PTPRN2: variants seen among roughly 807,000 people sequenced by gnomAD.
PTPRN2 encodes receptor-type tyrosine-protein phosphatase N2.
A neutral mutation model predicts 118.8 loss-of-function variants in PTPRN2; 74 were observed. That is an observed-to-expected ratio of 0.62 (90% CI 0.52 to 0.76). PTPRN2 has a LOEUF of 0.76. Among genes scored for constraint, PTPRN2 ranks in the 30% least tolerant of loss-of-function variants. The pLI is 0.00. For missense variants in PTPRN2, 1,481 were observed against 1,394.4 expected (o/e 1.06, Z -0.99); for synonymous variants, 641 against 608.0 (o/e 1.05, Z -0.80).
intron 2 of PTPRN2, among the ~76,000 whole-genome samples, chr7:158,361,564 A>G (rs1403362330): frequency 6.6e-6 from 1 of 152,154 alleles, no homozygotes; most frequent in East Asian, 1.9e-4. Context: ...TCCAATATTC[A>G]GACCTGAGAC....
chr7:158,377,665 G>A (rs1190425855), intron 2 of PTPRN2, among the ~76,000 whole-genome samples: 4 of 152,198 alleles, frequency 2.6e-5, no homozygotes, highest in African/African-American at 9.7e-5. Context: ...GGAGTTCACA[G>A]GAAACCGGCA....
In PTPRN2 at chr7:158,254,192, C is replaced by A. The variant is rs138985658; in HGVS notation, c.278-48919G>T. Among the ~76,000 whole-genome samples, 389 of 42,580 alleles carry A rather than the reference C, an allele frequency of 9.1e-3. 127 individuals are homozygous for A. The highest frequency in any genetic ancestry group is 0.037 in the Middle Eastern group (4 of 108). The allele number at this position is 42,580 out of a possible 152,430, so 27.9% of individuals were successfully genotyped here. A position where few individuals can be genotyped will look rare whatever the true frequency, so the allele number is the denominator to read the frequency against. ...CTGGACAGTGGCACAGAGCCACTGC[C>A]GCCCACAGCACAACCCGCCCCCCAT... On this transcript the variant is annotated intron_variant, in intron 3 of 22. Coordinates refer to ENST00000389418, the MANE Select transcript of PTPRN2 (RefSeq NM_002847.5).
chr7:157,615,954 G>C lies in PTPRN2; in HGVS notation c.2344+5408C>G. ...GGCAGGATGAACGTAACTTCTGGTG[G>C]ATAAAGTGGGAGGCCTGATCCAGGA... On this transcript the variant is annotated intron_variant, in intron 15 of 22. Coordinates refer to ENST00000389418, the MANE Select transcript of PTPRN2 (RefSeq NM_002847.5). This position sits in a 1 kb window ranked among gnomAD's most constrained non-coding sequence, Gnocchi z 4.3. 1 of 257,940 alleles carries C rather than the reference G, an allele frequency of 3.9e-6. No homozygotes were observed. Among genetic ancestry groups the C allele is most frequent in the South Asian group, 4.4e-5 (1 of 22,512 alleles). The allele number at this position is 257,940 out of a possible 1,614,324, so 16.0% of individuals were successfully genotyped here.
At chr7:157,745,940 C>A (rs1371511224) in intron 12 of PTPRN2, among the ~76,000 whole-genome samples, 1 of 152,048 alleles carries the variant, frequency 6.6e-6, no homozygotes, top group African/African-American at 2.4e-5. Flanking sequence ...CATACAGGGC[C>A]TTGAGTGTGG....
intron 2 of PTPRN2, among the ~76,000 whole-genome samples, chr7:158,440,817 A>C (rs200474661): frequency 6.9e-5 from 2 of 28,878 alleles, no homozygotes; most frequent in African/African-American, 2.2e-4. Flanking sequence ...TGGTGGTAGT[A>C]GTAGTGGTGG....
intron 12 of PTPRN2, among the ~76,000 whole-genome samples, chr7:157,758,130 T>A (rs988248060): frequency 6.6e-6 from 1 of 152,142 alleles, no homozygotes; most frequent in African/African-American, 2.4e-5. Context: ...CGGGATGGGA[T>A]GTGCTCCCCG....
intron 12 of PTPRN2, among the ~76,000 whole-genome samples, chr7:157,789,579 C>T (rs996562943): frequency 6.6e-6 from 1 of 152,228 alleles, no homozygotes; most frequent in Non-Finnish European, 1.5e-5. Context: ...CACCAGGTGG[C>T]TCCGTGGTCC....
At chr7:157,943,429 T>C (rs959831255) in intron 11 of PTPRN2, among the ~76,000 whole-genome samples, 7 of 152,060 alleles carry the variant, frequency 4.6e-5, no homozygotes, top group African/African-American at 1.2e-4. Flanking sequence ...TTCCTGCCCT[T>C]GAAATCCAAC....
At chr7:157,697,734 G>T (rs1470394622) in intron 12 of PTPRN2, among the ~76,000 whole-genome samples, 1 of 122,342 alleles carries the variant, frequency 8.2e-6, no homozygotes, top group Admixed American at 8.3e-5. Flanking sequence ...ACTGGATCTT[G>T]GCAGAGCCCT....
intron 1 of PTPRN2, among the ~76,000 whole-genome samples, chr7:158,575,864 T>C (rs1828292829): frequency 1.3e-5 from 2 of 152,340 alleles, no homozygotes; most frequent in South Asian, 2.1e-4. Context: ...TCAGTATTAC[T>C]AGAAATTATA....
chr7:158,545,869 C>T (rs1259263302), intron 1 of PTPRN2, among the ~76,000 whole-genome samples: 1 of 152,060 alleles, frequency 6.6e-6, no homozygotes. Flanking sequence ...TGCGGTGGCA[C>T]GCGCCTGTAG....
chr7:157,794,373 C>T lies in PTPRN2; in HGVS notation c.1788+104300G>A, dbSNP rs559968678. Among the ~76,000 whole-genome samples, 10 of 152,342 alleles carry T rather than the reference C, an allele frequency of 6.6e-5. No homozygotes were observed. The highest frequency in any genetic ancestry group is 2.1e-4 in the South Asian group (1 of 4,828). ...CTGCACTTCCGGTTCTGCGTCTGGC[C>T]GGCCTACGGGCACTCGGGCAGTGCG... is the stretch of plus-strand genomic sequence containing the variant. On this transcript the variant is annotated intron_variant, in intron 12 of 22. Transcript: ENST00000389418. This position sits in a 1 kb window ranked among gnomAD's most constrained non-coding sequence, Gnocchi z 5.2.
rs73516877 is a variant in PTPRN2 at position 157,726,788 on chromosome 7, A to T, written c.1789-43851T>A. On this transcript the variant is annotated intron_variant, in intron 12 of 22. Coordinates refer to ENST00000389418, the MANE Select transcript of PTPRN2 (RefSeq NM_002847.5). ...GATTAATATCCAGAACATGTAGGAA[A>T]CTTCCACAACTCAACTACAATAACG... is the stretch of plus-strand genomic sequence containing the variant. Among the ~76,000 whole-genome samples, 763 of 152,350 alleles carry T rather than the reference A, an allele frequency of 5.0e-3. 6 individuals are homozygous for T. Among genetic ancestry groups the T allele is most frequent in the African/African-American group, 0.017 (726 of 41,576 alleles).
rs75314291 is a variant in PTPRN2 at position 158,542,968 on chromosome 7, C to T, written c.112+44590G>A. The stretch of plus-strand genomic sequence containing the variant: ...ACAAAGCCCCAGCTCTCAGCTCCCA[C>T]GTCCTCACCGCACCCCAAAGACAGG... On this transcript the variant is annotated intron_variant, in intron 1 of 22. Transcript: ENST00000389418. Among the ~76,000 whole-genome samples, 70 of 152,330 alleles carry T rather than the reference C, an allele frequency of 4.6e-4. 3 individuals carry two copies. The highest frequency in any genetic ancestry group is 3.9e-3 in the South Asian group (19 of 4,822).
At chr7:158,353,806 A>G (rs753547718) in intron 2 of PTPRN2, among the ~76,000 whole-genome samples, 2 of 152,226 alleles carry the variant, frequency 1.3e-5, no homozygotes, top group South Asian at 2.1e-4. Context: ...AAGGTGAGAT[A>G]ACAACAGCTT....
At chr7:158,144,748 T>C (rs917473714) in intron 6 of PTPRN2, among the ~76,000 whole-genome samples, 4 of 152,194 alleles carry the variant, frequency 2.6e-5, no homozygotes, top group African/African-American at 9.6e-5. Flanking sequence ...GGGAAGAGGC[T>C]GCGGTCTGTG....
At chr7:158,111,054 C>T (rs1435848825) in intron 9 of PTPRN2, 139 bp from the exon 10 acceptor site, 2 of 702,894 alleles carry the variant, frequency 2.8e-6, no homozygotes, top group Admixed American at 2.9e-5. Flanking sequence ...GCTGCCCCCT[C>T]AGGCACAAGG....
chr7:158,491,321 G>GGCCTGCCCAGCCAGT (rs1242342920), intron 1 of PTPRN2, among the ~76,000 whole-genome samples: 1 of 152,140 alleles, frequency 6.6e-6, no homozygotes, highest in Non-Finnish European at 1.5e-5. Context: ...GTGCAGCCCT[G>GGCCTGCCCAGCCAGT]GCCTGCCCAG....
At chr7:157,658,811 A>C (rs1018780431) in intron 13 of PTPRN2, among the ~76,000 whole-genome samples, 6 of 152,228 alleles carry the variant, frequency 3.9e-5, no homozygotes, top group African/African-American at 1.4e-4. Context: ...AGAAGAGGTG[A>C]AAATGCATTC....
Sources: gnomAD v4.1 joint callset for allele counts (sites outside exome capture counted in the v4.1 genomes callset) on GRCh38, gnomAD v4.1.1 for gene constraint, Gnocchi (gnomAD v3.1) non-coding constraint, MANE v1.5 for transcripts, NCBI Gene and HGNC (gene_info 2026-07-23, HGNC 2026-07-21) for gene names.